Variants in SNX6 observed in about 807,000 individuals in gnomAD.
The protein encoded by SNX6 is sorting nexin 6.
Under a neutral mutation model 63.0 loss-of-function variants are expected in SNX6, and 34 were observed. The observed-to-expected ratio is 0.54, with a 90% CI of 0.41 to 0.72. SNX6 has a LOEUF of 0.72. Ranked by LOEUF, SNX6 falls within the 30% of genes least tolerant of loss-of-function variation. The pLI, the probability that SNX6 is intolerant of heterozygous loss-of-function variation, is 0.00. For synonymous variants in SNX6, 170 were observed against 164.2 expected (o/e 1.04, Z -0.27); for missense variants, 398 against 471.4 (o/e 0.84, Z 1.44).
At chr14:34,621,872 T>C (rs753123626) in intron 2 of SNX6, among the ~76,000 whole-genome samples, 15 of 151,778 alleles carry the variant, frequency 9.9e-5, no homozygotes, top group Non-Finnish European at 1.8e-4. Flanking sequence ...ACTGGTTTCT[T>C]TGTTTTCTGA....
rs1176311732 is a variant in SNX6 at position 34,609,723 on chromosome 14, T to G, written c.74A>C (p.Asp25Ala). ...CTGCAGAGCAGCATCACTTTGAAGA[T>G]CTACATTTATTGCTTTAAGCTAGAA... ...EDRGLKAINVDLQSDAALQVD... is the reference protein window; with the variant it reads ...EDRGLKAINVALQSDAALQVD... The change falls in exon 3 of 14, where the codon GAT becomes GCT. Residue 25 changes from aspartate (D) to alanine (A), a missense_variant. Coordinates refer to ENST00000362031, the MANE Select transcript of SNX6 (RefSeq NM_152233.4). 6.2e-7 allele frequency: 1 copy of G among 1,610,896 alleles called. No homozygotes were observed. The highest frequency in any genetic ancestry group is 1.7e-5 in the Admixed American group (1 of 59,804).
chr14:34,571,998 C>A (rs538876453), intron 11 of SNX6, among the ~76,000 whole-genome samples: 23 of 152,156 alleles, frequency 1.5e-4, no homozygotes, highest in Non-Finnish European at 2.8e-4. Flanking sequence ...GCTTTCATTT[C>A]TCTTGGGTAA....
intron 2 of SNX6, among the ~76,000 whole-genome samples, chr14:34,623,162 C>A (rs143374860): frequency 6.6e-6 from 1 of 152,170 alleles, no homozygotes; most frequent in African/African-American, 2.4e-5. Flanking sequence ...TGTGAAGTAA[C>A]TATCAATAAA....
intron 2 of SNX6, among the ~76,000 whole-genome samples, chr14:34,610,163 A>G (rs1217250590): frequency 6.6e-6 from 1 of 151,502 alleles, no homozygotes; most frequent in Non-Finnish European, 1.5e-5. Context: ...GGGAAACATA[A>G]CAAGACCCTG....
chr14:34,607,498 G>A (rs1233051903), intron 4 of SNX6, among the ~76,000 whole-genome samples: 2 of 151,612 alleles, frequency 1.3e-5, no homozygotes, highest in Non-Finnish European at 1.5e-5. Flanking sequence ...TAATCCCAGC[G>A]ACTCAAGTGA....
chr14:34,565,299 G>T (rs867207573), intron 13 of SNX6, among the ~76,000 whole-genome samples: 7 of 151,420 alleles, frequency 4.6e-5, no homozygotes. Flanking sequence ...GGATGGTCTC[G>T]ATCTCCTGAC....
At chr14:34,589,034 T>G (rs1289190032) in intron 8 of SNX6, among the ~76,000 whole-genome samples, 2 of 152,092 alleles carry the variant, frequency 1.3e-5, no homozygotes, top group Admixed American at 6.6e-5. Flanking sequence ...CTCGGGAGGC[T>G]GAGGCACGAG....
chr14:34,570,763 G>A (rs1021474826), intron 11 of SNX6, among the ~76,000 whole-genome samples: 8 of 118,520 alleles, frequency 6.7e-5, no homozygotes, highest in South Asian at 2.8e-4. Flanking sequence ...TCACTGTGTC[G>A]CCCAGGCTGG....
chr14:34,614,109 CACAAAA>C lies in SNX6; in HGVS notation c.55-4373_55-4368del, dbSNP rs572466933. 9.0e-4 allele frequency among the ~76,000 whole-genome samples: 136 copies of C among 150,552 alleles called. 1 individual carries two copies. Among genetic ancestry groups the C allele is most frequent in the Middle Eastern group, 3.5e-3 (1 of 284 alleles). On this transcript the variant is annotated intron_variant, in intron 2 of 13. Coordinates refer to ENST00000362031, the MANE Select transcript of SNX6 (RefSeq NM_152233.4). The stretch of plus-strand genomic sequence containing the variant: ...AAGACAGAGCGAGACTCCATCTCAA[CACAAAA>C]ACAAAAACAAAAACAAAAAAACAGA...
At chr14:34,587,426 G>C (rs1011527725) in intron 8 of SNX6, among the ~76,000 whole-genome samples, 1 of 149,200 alleles carries the variant, frequency 6.7e-6, no homozygotes, top group Non-Finnish European at 1.5e-5. Flanking sequence ...CTAGCTACTC[G>C]GGAAGCTGTG....
chr14:34,574,288 A>G (rs1392139597), intron 11 of SNX6, among the ~76,000 whole-genome samples: 1 of 151,278 alleles, frequency 6.6e-6, no homozygotes, highest in Admixed American at 6.6e-5. Context: ...GTGAGCTGCA[A>G]TCATGCCACT....
intron 9 of SNX6, among the ~76,000 whole-genome samples, chr14:34,582,643 T>C (rs1280721095): frequency 2.6e-5 from 4 of 152,072 alleles, no homozygotes; most frequent in African/African-American, 9.7e-5. Context: ...CCTCCTGGGT[T>C]CAAACGATTC....
chr14:34,615,346 T>C (rs894538822), intron 2 of SNX6, among the ~76,000 whole-genome samples: 2 of 152,132 alleles, frequency 1.3e-5, no homozygotes, highest in African/African-American at 4.8e-5. Flanking sequence ...CTCAGCCTCC[T>C]AAGCAATTGG....
At chr14:34,622,955 A>C (rs973615882) in intron 2 of SNX6, among the ~76,000 whole-genome samples, 18 of 152,192 alleles carry the variant, frequency 1.2e-4, no homozygotes, top group African/African-American at 4.3e-4. Context: ...GAATGCATGT[A>C]AGTGTGTAAC....
At chr14:34,576,769 A>G (rs900468224) in intron 10 of SNX6, among the ~76,000 whole-genome samples, 3 of 151,780 alleles carry the variant, frequency 2.0e-5, no homozygotes, top group Admixed American at 1.3e-4. Context: ...ATGAGTTTCA[A>G]TATGATCTTT....
At chr14:34,580,711 G>C (rs1566470793) in intron 10 of SNX6, among the ~76,000 whole-genome samples, 2 of 150,860 alleles carry the variant, frequency 1.3e-5, no homozygotes, top group Non-Finnish European at 2.9e-5. Context: ...CCAGGATGGA[G>C]TGCAGATGCA....
chr14:34,629,981 CG>C, intron 1 of SNX6, 27 bp from the exon 2 acceptor site: 1 of 1,528,888 alleles, frequency 6.5e-7, no homozygotes, highest in Admixed American at 2.3e-5. Context: ...CACGGCGCGC[CG>C]GGGAAAAGGA....
chr14:34,574,110 G>T (rs1312516319), intron 11 of SNX6, among the ~76,000 whole-genome samples: 1 of 150,436 alleles, frequency 6.6e-6, no homozygotes, highest in Admixed American at 6.6e-5. Context: ...GGCCGAGGTG[G>T]GGGGATCACG....
At chr14:34,613,563 C>T (rs1342870026) in intron 2 of SNX6, among the ~76,000 whole-genome samples, 2 of 152,068 alleles carry the variant, frequency 1.3e-5, no homozygotes. Flanking sequence ...GAGGCTGAGG[C>T]GGGTGAATCA....
Sources: allele counts gnomAD v4.1 joint callset (sites outside exome capture counted in the v4.1 genomes callset), GRCh38; gene constraint gnomAD v4.1.1; transcripts MANE v1.5; gene names NCBI Gene and HGNC (gene_info 2026-07-23, HGNC 2026-07-21).